The following FBN2 variants were observed in gnomAD, a reference collection of about 807,000 sequenced individuals.
FBN2 encodes the protein fibrillin-2.
A neutral mutation model predicts 355.6 loss-of-function variants in FBN2; 105 were observed. That is an observed-to-expected ratio of 0.30 (90% CI 0.25 to 0.35). The LOEUF (loss-of-function observed/expected upper bound fraction) is 0.35, where lower values mean the gene tolerates loss of function less well. Ranked by LOEUF, FBN2 falls within the 10% of genes least tolerant of loss-of-function variation. The probability of loss-of-function intolerance (pLI) is 1.00; values close to 1 mark genes in which losing one functional copy is unlikely to be tolerated. For missense variants in FBN2, 3,280 were observed against 3,758.7 expected, an observed-to-expected ratio of 0.87 and a Z score of 3.33; for synonymous variants, 1,350 against 1,301.2, an observed-to-expected ratio of 1.04 and a Z score of -0.81.
chr5:128,322,842 A>T (rs1307457333), intron 34 of FBN2, among the ~76,000 whole-genome samples: 1 of 152,144 alleles, frequency 6.6e-6, no homozygotes, highest in African/African-American at 2.4e-5. Context: ...ATACCATTGA[A>T]TCTATAAATT....
chr5:128,353,989 C>T (rs1214459159), intron 20 of FBN2, among the ~76,000 whole-genome samples: 1 of 152,160 alleles, frequency 6.6e-6, no homozygotes, highest in Non-Finnish European at 1.5e-5. Context: ...CTCCATCCTC[C>T]CTCCCTGTCT....
At chr5:128,297,452 T>A (rs1749556681) in intron 48 of FBN2, among the ~76,000 whole-genome samples, 1 of 151,934 alleles carries the variant, frequency 6.6e-6, no homozygotes, top group African/African-American at 2.4e-5. Flanking sequence ...AAGTCTCCCA[T>A]TATTAATGTG....
rs140386446 is a variant in FBN2, at chr5:128,517,833, A to G, written c.628+1440T>C. The stretch of plus-strand genomic sequence containing the variant: ...ATATTTCATTGACATAATTTCATAT[A>G]TTCTAGTTTCACAATAAAGAAAGTG... On this transcript the variant is annotated intron_variant, in intron 5 of 64. Transcript: ENST00000262464. 3.2e-3 allele frequency among the ~76,000 whole-genome samples: 482 copies of G among 152,292 alleles called. 2 individuals carry two copies. The highest frequency in any genetic ancestry group is 0.011 in the African/African-American group (458 of 41,574).
chr5:128,313,248 C>CT (rs77599765), intron 36 of FBN2, among the ~76,000 whole-genome samples: 53,224 of 152,006 alleles, frequency 0.35, 11,206 homozygotes, highest in East Asian at 0.74. Flanking sequence ...TAATCTAAGG[C>CT]TTTTCTTTAT....
intron 5 of FBN2, among the ~76,000 whole-genome samples, chr5:128,509,556 G>A (rs556824228): frequency 2.0e-5 from 3 of 152,102 alleles, no homozygotes; most frequent in African/African-American, 7.2e-5. Context: ...AGTTTGGGGT[G>A]AATTTTAGTT....
At chr5:128,333,839 T>TCATACACA (rs1554122627) in intron 31 of FBN2, among the ~76,000 whole-genome samples, 1 of 122,852 alleles carries the variant, frequency 8.1e-6, no homozygotes, top group Non-Finnish European at 1.7e-5. Flanking sequence ...GATGCTGAAA[T>TCATACACA]CACACACACA....
intron 3 of FBN2, among the ~76,000 whole-genome samples, chr5:128,528,260 T>G (rs1366478773): frequency 1.3e-5 from 2 of 152,110 alleles, no homozygotes; most frequent in Non-Finnish European, 2.9e-5. Flanking sequence ...GGCACTTTTG[T>G]CTCCATTCAG....
At chr5:128,363,065 A>C (rs1475465068) in intron 18 of FBN2, among the ~76,000 whole-genome samples, 3 of 152,180 alleles carry the variant, frequency 2.0e-5, no homozygotes, top group Non-Finnish European at 1.5e-5. Context: ...AATTAACATT[A>C]TATTTTAAGG....
intron 5 of FBN2, among the ~76,000 whole-genome samples, chr5:128,514,957 G>A (rs905094748): frequency 6.6e-6 from 1 of 152,032 alleles, no homozygotes; most frequent in Admixed American, 6.6e-5. Flanking sequence ...GCTTGTTCTC[G>A]TCACCATATT....
At chr5:128,270,495 C>T (rs1327394330) in intron 62 of FBN2, among the ~76,000 whole-genome samples, 1 of 152,152 alleles carries the variant, frequency 6.6e-6, no homozygotes, top group African/African-American at 2.4e-5. Flanking sequence ...TGCCACTGCA[C>T]TTCAGCCTGG....
At chr5:128,509,418 T>C (rs1317938438) in intron 5 of FBN2, among the ~76,000 whole-genome samples, 1 of 152,186 alleles carries the variant, frequency 6.6e-6, no homozygotes, top group Admixed American at 6.5e-5. Flanking sequence ...TTTTCATCTG[T>C]AGAAGTTCAA....
intron 8 of FBN2, among the ~76,000 whole-genome samples, chr5:128,397,794 A>G (rs1581263331): frequency 6.6e-6 from 1 of 151,944 alleles, no homozygotes; most frequent in African/African-American, 2.4e-5. Flanking sequence ...CTACTATTAA[A>G]CTCCGGAGAC....
chr5:128,299,319 T>C (rs1290850080), intron 48 of FBN2, among the ~76,000 whole-genome samples: 1 of 151,794 alleles, frequency 6.6e-6, no homozygotes, highest in East Asian at 1.9e-4. Flanking sequence ...AGGTGGAGCC[T>C]ACAGAGGCAG....
At chr5:128,317,647 G>C (rs959161547) in intron 36 of FBN2, among the ~76,000 whole-genome samples, 1 of 152,076 alleles carries the variant, frequency 6.6e-6, no homozygotes, top group Non-Finnish European at 1.5e-5. Context: ...TTTAAGATCA[G>C]AGGTGCTGAC....
intron 6 of FBN2, among the ~76,000 whole-genome samples, chr5:128,453,731 G>A (rs1754315808): frequency 6.6e-6 from 1 of 152,000 alleles, no homozygotes; most frequent in Non-Finnish European, 1.5e-5. Context: ...AATGCAGAGT[G>A]GGGAAGGCTC....
In FBN2 at chr5:128,345,489, C is replaced by T. The variant is rs746695681; in HGVS notation, c.3085G>A (p.Val1029Ile). Residue 1029 changes from valine (V) to isoleucine (I), a missense_variant, in exon 24 of 65, where the codon GTC becomes ATC. Physicochemically the swap from Val to Ile is conservative, Grantham distance 29. Around this residue, in one of 6 missense-constraint regions of FBN2, gnomAD observed 2,284 missense variants for 2,749.5 expected, o/e 0.83. Coordinates refer to ENST00000262464, the MANE Select transcript of FBN2 (RefSeq NM_001999.4). ...CACTCGGTGCCCCAAGCCGCCCCGA[C>T]AGCACAGCAGCAGGCATCCATGCGG... ...KFRMDACCCAVGAAWGTECEE... is the reference protein window; with the variant it reads ...KFRMDACCCAIGAAWGTECEE... 6.2e-7 allele frequency: 1 copy of T among 1,614,202 alleles called. No homozygotes were observed. Among genetic ancestry groups the T allele is most frequent in the South Asian group, 1.1e-5 (1 of 91,082 alleles).
At chr5:128,356,756 A>G (rs1374428361) in intron 20 of FBN2, among the ~76,000 whole-genome samples, 1 of 152,216 alleles carries the variant, frequency 6.6e-6, no homozygotes, top group African/African-American at 2.4e-5. Flanking sequence ...AATTTCCCCT[A>G]GAGATTTCCA....
chr5:128,461,857 C>T (rs1360431075), intron 6 of FBN2, among the ~76,000 whole-genome samples: 2 of 107,068 alleles, frequency 1.9e-5, no homozygotes, highest in African/African-American at 7.2e-5. Flanking sequence ...GTTGGGGGGT[C>T]GGGGGAGGGA....
intron 6 of FBN2, among the ~76,000 whole-genome samples, chr5:128,462,247 AT>A (rs1375209140): frequency 6.6e-6 from 1 of 152,210 alleles, no homozygotes; most frequent in Non-Finnish European, 1.5e-5. Context: ...CAATCATCGT[AT>A]AAAAAAGATC....
Sources: gnomAD v4.1 joint callset for allele counts (sites outside exome capture counted in the v4.1 genomes callset) on GRCh38, gnomAD v4.1.1 for gene constraint, gnomAD v4.1.1 regional missense constraint, MANE v1.5 for transcripts, NCBI Gene and HGNC (gene_info 2026-07-23, HGNC 2026-07-21) for gene names.